Variants in BSN observed in about 807,000 individuals in gnomAD.
BSN encodes the protein protein bassoon.
BSN carries 57 observed loss-of-function variants against 264.8 expected under a neutral mutation model. The observed-to-expected ratio is 0.22, with a 90% CI of 0.17 to 0.27. The LOEUF is 0.27. BSN is among the 10% of genes least tolerant of loss of function. The pLI, the probability that BSN is intolerant of heterozygous loss-of-function variation, is 1.00. For missense variants in BSN, 4,615 were observed against 5,232.5 expected (o/e 0.88, Z 3.64); for synonymous variants, 2,059 against 2,137.3 (o/e 0.96, Z 1.01).
intron 1 of BSN, among the ~76,000 whole-genome samples, chr3:49,605,675 A>ATTATATATAATATATATAAAATG: frequency 1.7e-5 from 1 of 58,764 alleles, no homozygotes; most frequent in African/African-American, 7.1e-5. Flanking sequence ...TATATTACAT[A>ATTATATATAATATATATAAAATG]TATGTAATAT....
chr3:49,619,384 A>G (rs1334152480), intron 1 of BSN, among the ~76,000 whole-genome samples: 1 of 152,230 alleles, frequency 6.6e-6, no homozygotes, highest in Admixed American at 6.5e-5. Context: ...AAAATAATCC[A>G]AAGAACCCAA....
At chr3:49,615,987 A>G (rs1470790025) in intron 1 of BSN, among the ~76,000 whole-genome samples, 3 of 152,234 alleles carry the variant, frequency 2.0e-5, no homozygotes, top group Non-Finnish European at 4.4e-5. Context: ...ATTTCTGTTT[A>G]TATTTATTGT....
At chr3:49,565,005 A>G (rs930695127) in intron 1 of BSN, among the ~76,000 whole-genome samples, 3 of 152,072 alleles carry the variant, frequency 2.0e-5, no homozygotes, top group African/African-American at 2.4e-5. Flanking sequence ...TAAAAAAAAA[A>G]AAGAAGAAAA....
Position 49,657,961 on chromosome 3 carries a change from C to T in BSN, c.8405C>T (p.Ser2802Phe). 6.2e-7 allele frequency: 1 copy of T among 1,611,924 alleles called. No homozygotes were observed. Among genetic ancestry groups the T allele is most frequent in the Non-Finnish European group, 8.5e-7 (1 of 1,178,490 alleles). The change falls in exon 5 of 12, where the codon TCC becomes TTC. Residue 2802 changes from serine (S) to phenylalanine (F), a missense_variant. Transcript: ENST00000296452. ...QVLYSPVSPLSPHRLLDTSFA... is the reference protein window; with the variant it reads ...QVLYSPVSPLFPHRLLDTSFA... ...CTCTACTCACCAGTCTCACCCCTGT[C>T]CCCTCACCGGCTCCTGGACACCTCC...
intron 1 of BSN, among the ~76,000 whole-genome samples, chr3:49,564,348 C>T (rs2051737043): frequency 6.6e-6 from 1 of 152,208 alleles, no homozygotes; most frequent in East Asian, 1.9e-4. Flanking sequence ...CCATCCTGGA[C>T]TTACACAGCC....
rs776925935 is a variant in BSN at position 49,663,819 on chromosome 3, G to C, written c.11541G>C (p.Gly3847=). 2 of 1,614,112 alleles carry C rather than the reference G, an allele frequency of 1.2e-6. No homozygotes were observed. Among genetic ancestry groups the C allele is most frequent in the Non-Finnish European group, 1.7e-6 (2 of 1,180,024 alleles). The change falls in exon 8 of 12, where the codon GGG becomes GGC. Residue 3847 remains glycine, a synonymous_variant. Transcript: ENST00000296452. ...PRAEQTNGSK[G]TAKAPQQGRA... is the part of the protein sequence containing the mutation. ...CAGAACAGACAAATGGCTCTAAAGGGACAGCCAAAGCACCGCAACAGGGGA... is the reference window on the plus strand; with the variant it reads ...CAGAACAGACAAATGGCTCTAAAGGCACAGCCAAAGCACCGCAACAGGGGA...
chr3:49,606,893 A>C (rs1429969265), intron 1 of BSN, among the ~76,000 whole-genome samples: 3 of 152,128 alleles, frequency 2.0e-5, no homozygotes, highest in Non-Finnish European at 2.9e-5. Flanking sequence ...AGGCGGGCGG[A>C]TCACCTGAGG....
In BSN at chr3:49,554,554, C is replaced by A; in HGVS notation, c.-49C>A. ...GAGTGTGAGCACCGCCCGGGAGCCG[C>A]CGGCCCGGGCGCAGCGCGACCCCGA... is the stretch of plus-strand genomic sequence containing the variant. On this transcript the variant is annotated 5_prime_UTR_variant, in exon 1 of 12. Transcript: ENST00000296452. The A allele has an allele frequency of 1.3e-6, 1 of 754,222 alleles. No homozygotes were observed. 46.7% of individuals were successfully genotyped at this position (754,222 alleles called of 1,614,324 possible). A position where few individuals can be genotyped will look rare whatever the true frequency, so the allele number is the denominator to read the frequency against.
intron 1 of BSN, among the ~76,000 whole-genome samples, chr3:49,597,849 TAGCC>T (rs2052038122): frequency 1.3e-5 from 2 of 151,762 alleles, no homozygotes; most frequent in South Asian, 4.1e-4. Context: ...TTCACTCTGT[TAGCC>T]AGGATGGTCT....
rs780751687 is a variant in BSN, at chr3:49,642,584, C to T, written c.950C>T (p.Pro317Leu). ...CCCACCAAGCCTTCCACAGCTGAGCCCAGGCCACCTGCAGGAGAGGCCCCG... is the reference window on the plus strand; with the variant it reads ...CCCACCAAGCCTTCCACAGCTGAGCTCAGGCCACCTGCAGGAGAGGCCCCG... ...PQPTKPSTAE[P>L]RPPAGEAPAK... Residue 317 changes from proline to leucine, a missense_variant, in exon 3 of 12, where the codon CCC becomes CTC. By Grantham distance (98) the Pro-to-Leu change is moderately conservative. Transcript: ENST00000296452. This position sits in a 1 kb window ranked among gnomAD's most constrained non-coding sequence, Gnocchi z 7.0. 1 of 1,605,982 alleles carries T rather than the reference C, an allele frequency of 6.2e-7. No homozygotes were observed. The highest frequency in any genetic ancestry group is 8.5e-7 in the Non-Finnish European group (1 of 1,175,226).
chr3:49,605,493 A>ATATATAATATATAT (rs2052114109), intron 1 of BSN, among the ~76,000 whole-genome samples: 1 of 6,796 alleles, frequency 1.5e-4, no homozygotes, highest in African/African-American at 6.4e-4. Flanking sequence ...AATATATATT[A>ATATATAATATATAT]TATATAATAT....
At chr3:49,590,415 A>G (rs1295175180) in intron 1 of BSN, among the ~76,000 whole-genome samples, 1 of 151,888 alleles carries the variant, frequency 6.6e-6, no homozygotes, top group African/African-American at 2.4e-5. Context: ...TATATCTGGC[A>G]TTTTGGTTTT....
rs1185725666 is a variant in BSN, at chr3:49,585,172, G to A, written c.224+30346G>A. On this transcript the variant is annotated intron_variant, in intron 1 of 11. Transcript: ENST00000296452. This position sits in a 1 kb window ranked among gnomAD's most constrained non-coding sequence, Gnocchi z 4.7. ...TGGATACCCAGTGGTGGGATTGATG[G>A]ATCATATGGTAGCCCAATTTTTAGT... 6.6e-6 allele frequency among the ~76,000 whole-genome samples: 1 copy of A among 150,946 alleles called. No individual in the cohort carries two copies. Among genetic ancestry groups the A allele is most frequent in the Non-Finnish European group, 1.5e-5 (1 of 67,800 alleles).
At position 49,662,196 on chromosome 3, in the gene BSN, G is replaced by C. The variant is rs779369808; in HGVS notation, c.10351G>C (p.Gly3451Arg). Residue 3451 changes from glycine to arginine, a missense_variant, in exon 6 of 12, where the codon GGG (glycine) becomes CGG (arginine). Coordinates refer to ENST00000296452, the MANE Select transcript of BSN (RefSeq NM_003458.4). ...SRSRAPSAYSGEKLSSHDFSG... is the reference protein window; with the variant it reads ...SRSRAPSAYSREKLSSHDFSG... Reference sequence around the variant, plus strand: ...GTCCCGGGCACCTTCTGCATACAGTGGGGAGAAGCTGTCCAGCCACGACTT... The same window carrying C: ...GTCCCGGGCACCTTCTGCATACAGTCGGGAGAAGCTGTCCAGCCACGACTT... The C allele has an allele frequency of 3.2e-5, 52 of 1,613,024 alleles. No individual in the cohort carries two copies. Among genetic ancestry groups the C allele is most frequent in the Non-Finnish European group, 4.3e-5 (51 of 1,179,906 alleles).
chr3:49,673,087 CTTTTTTTTTTTTTTT>C (rs71080543), downstream of BSN, among the ~76,000 whole-genome samples: 16 of 43,216 alleles, frequency 3.7e-4, no homozygotes, highest in East Asian at 4.0e-3. Flanking sequence ...CCGGCCGGGA[CTTTTTTTTTTTTTTT>C]TTTTTTTTTT....
At chr3:49,605,446 A>AT (rs2052109634) in intron 1 of BSN, among the ~76,000 whole-genome samples, 17 of 27,126 alleles carry the variant, frequency 6.3e-4, no homozygotes, top group African/African-American at 2.5e-3. Flanking sequence ...TATTATATAT[A>AT]TTATATAATA....
intron 1 of BSN, among the ~76,000 whole-genome samples, chr3:49,569,101 C>T (rs2051776437): frequency 6.6e-6 from 1 of 152,070 alleles, no homozygotes; most frequent in Admixed American, 6.6e-5. Context: ...TTGGCCTGGG[C>T]ATCTGGTGTA....
At chr3:49,574,630 C>CTTT (rs60300269) in intron 1 of BSN, among the ~76,000 whole-genome samples, 5 of 51,914 alleles carry the variant, frequency 9.6e-5, no homozygotes, top group Admixed American at 2.8e-4. Context: ...GGTGGGGTTT[C>CTTT]TTTTTTTTTT....
intron 1 of BSN, among the ~76,000 whole-genome samples, chr3:49,575,426 ATATATATGTAAATATATATGTGTG>A (rs2051836638): frequency 6.8e-6 from 1 of 147,294 alleles, no homozygotes; most frequent in South Asian, 2.2e-4. Flanking sequence ...ATATATGTGT[ATATATATGTAAATATATATGTGTG>A]TATATATGTA....
Sources: allele counts gnomAD v4.1 joint callset (sites outside exome capture counted in the v4.1 genomes callset), GRCh38; gene constraint gnomAD v4.1.1; non-coding constraint Gnocchi (gnomAD v3.1); transcripts MANE v1.5; gene names NCBI Gene and HGNC (gene_info 2026-07-23, HGNC 2026-07-21).